Variants in LGSN observed in about 807,000 individuals in gnomAD.
LGSN encodes the protein lengsin, lens protein with glutamine synthetase domain, also known as lengsin.
LGSN carries 21 observed loss-of-function variants against 19.5 expected under a neutral mutation model. The ratio of observed to expected loss-of-function variants is 1.07; its 90% confidence interval spans 0.76 to 1.55. The LOEUF (loss-of-function observed/expected upper bound fraction) is 1.55, where lower values mean the gene tolerates loss of function less well. Among genes scored for constraint, LGSN ranks in the 40% most tolerant of loss-of-function variants. LGSN has a pLI of 0.00. For synonymous variants in LGSN, 257 were observed against 215.6 expected (o/e 1.19, Z -1.68); for missense variants, 673 against 608.5 (o/e 1.11, Z -1.12).
the LGSN span, among the ~76,000 whole-genome samples, chr6:63,499,216 C>A: frequency 3.9e-5 from 6 of 152,022 alleles, no homozygotes; most frequent in African/African-American, 1.5e-4. Flanking sequence ...CAAACCTAAT[C>A]ATTTTTACAT....
At chr6:63,323,761 T>C (rs1307119968), upstream of LGSN, among the ~76,000 whole-genome samples, 4 of 150,316 alleles carry the variant, frequency 2.7e-5, no homozygotes, top group African/African-American at 4.9e-5. Flanking sequence ...GAATCTCGTA[T>C]GTTTTTGCAT....
the LGSN span, among the ~76,000 whole-genome samples, chr6:63,496,627 T>A: frequency 6.6e-6 from 1 of 151,946 alleles, no homozygotes; most frequent in Non-Finnish European, 1.5e-5. Context: ...CCTTTTTTTT[T>A]TTTTTTGAGA....
intron 1 of LGSN, among the ~76,000 whole-genome samples, chr6:63,301,519 G>A (rs1422853959): frequency 6.6e-6 from 1 of 152,006 alleles, no homozygotes; most frequent in Non-Finnish European, 1.5e-5. Context: ...GCTATAAAAA[G>A]GATTATGGAA....
the LGSN span, among the ~76,000 whole-genome samples, chr6:63,547,496 GA>G: frequency 1.9e-3 from 288 of 147,694 alleles, no homozygotes; most frequent in African/African-American, 6.3e-3. Context: ...GGCCAGGGGG[GA>G]ATTTTTTTTT....
chr6:63,509,479 T>G, the LGSN span, among the ~76,000 whole-genome samples: 1 of 152,152 alleles, frequency 6.6e-6, no homozygotes, highest in Non-Finnish European at 1.5e-5. Flanking sequence ...CAATTAGGTG[T>G]GCGCATGTTG....
At chr6:63,544,504 T>C in the LGSN span, among the ~76,000 whole-genome samples, 7 of 152,142 alleles carry the variant, frequency 4.6e-5, no homozygotes. Flanking sequence ...TCTTAGCTCA[T>C]CTACACTAGC....
the LGSN span, among the ~76,000 whole-genome samples, chr6:63,548,106 C>T: frequency 6.6e-6 from 1 of 152,156 alleles, no homozygotes; most frequent in African/African-American, 2.4e-5. Flanking sequence ...GAGGTCATAA[C>T]CTCTTCATGA....
chr6:63,428,179 C>G, the LGSN span, among the ~76,000 whole-genome samples: 5 of 152,108 alleles, frequency 3.3e-5, no homozygotes, highest in Non-Finnish European at 5.9e-5. Flanking sequence ...AAAACGTTTG[C>G]ACAATAAAGC....
chr6:63,412,395 G>C, the LGSN span, among the ~76,000 whole-genome samples: 3 of 125,804 alleles, frequency 2.4e-5, no homozygotes, highest in African/African-American at 3.5e-5. Flanking sequence ...AGAGATGAAA[G>C]AAGGAAAGAA....
At chr6:63,497,918 CT>C in the LGSN span, among the ~76,000 whole-genome samples, 239 of 121,810 alleles carry the variant, frequency 2.0e-3, 3 homozygotes, top group Admixed American at 5.5e-3. Context: ...TGTCATGTTT[CT>C]TTTTTTTTTT....
the LGSN span, among the ~76,000 whole-genome samples, chr6:63,517,234 T>C: frequency 2.6e-5 from 4 of 152,134 alleles, no homozygotes; most frequent in African/African-American, 9.7e-5. Context: ...TTCAGACCAG[T>C]GGCATTAAAG....
chr6:63,506,021 T>G, the LGSN span, among the ~76,000 whole-genome samples: 2 of 152,188 alleles, frequency 1.3e-5, no homozygotes, highest in African/African-American at 4.8e-5. Flanking sequence ...AATGTTAAAC[T>G]GAGGGAGGCA....
the LGSN span, among the ~76,000 whole-genome samples, chr6:63,438,872 A>C: frequency 2.6e-5 from 4 of 152,184 alleles, no homozygotes; most frequent in Middle Eastern, 3.4e-3. Flanking sequence ...CCAAAGGACT[A>C]TAAATCATGC....
chr6:63,543,700 T>G, the LGSN span, among the ~76,000 whole-genome samples: 7 of 152,178 alleles, frequency 4.6e-5, no homozygotes, highest in African/African-American at 1.7e-4. Flanking sequence ...AAATAAACCC[T>G]AATCTTTACT....
the LGSN span, among the ~76,000 whole-genome samples, chr6:63,405,478 A>T: frequency 2.8e-4 from 42 of 152,284 alleles, no homozygotes; most frequent in Non-Finnish European, 4.0e-4. Flanking sequence ...ATGTTTCCTG[A>T]CATTTTAATG....
At chr6:63,415,792 T>A in the LGSN span, among the ~76,000 whole-genome samples, 2 of 152,206 alleles carry the variant, frequency 1.3e-5, no homozygotes, top group African/African-American at 4.8e-5. Context: ...AGTTCTAAAT[T>A]GTTGATGCAT....
chr6:63,346,341 G>A, the LGSN span, among the ~76,000 whole-genome samples: 4 of 151,728 alleles, frequency 2.6e-5, no homozygotes, highest in African/African-American at 9.7e-5. Context: ...TGGACATTGA[G>A]TTAATAATTG....
the LGSN span, among the ~76,000 whole-genome samples, chr6:63,485,594 C>T: frequency 6.6e-6 from 1 of 152,130 alleles, no homozygotes. Flanking sequence ...GTTCTAGATT[C>T]TTGATGAATA....
chr6:63,372,401 C>G, the LGSN span, among the ~76,000 whole-genome samples: 19 of 152,180 alleles, frequency 1.2e-4, no homozygotes, highest in Non-Finnish European at 2.5e-4. Flanking sequence ...CTGAGTGATG[C>G]TACTGTCTTT....
Sources: gnomAD v4.1 joint callset for allele counts (sites outside exome capture counted in the v4.1 genomes callset) on GRCh38, gnomAD v4.1.1 for gene constraint, MANE v1.5 for transcripts, NCBI Gene and HGNC (gene_info 2026-07-23, HGNC 2026-07-21) for gene names.